The following OPRL1 variants were observed in gnomAD, a reference collection of about 807,000 sequenced individuals.
The protein encoded by OPRL1 is opioid related nociceptin receptor 1.
A neutral mutation model predicts 15.5 loss-of-function variants in OPRL1; 5 were observed. That is an observed-to-expected ratio of 0.32 (90% CI 0.17 to 0.68). The LOEUF (loss-of-function observed/expected upper bound fraction) is 0.68. Ranked by LOEUF, OPRL1 falls within the 30% of genes least tolerant of loss-of-function variation. OPRL1 has a pLI of 0.72. For missense variants in OPRL1, 406 were observed against 515.3 expected (o/e 0.79, Z 2.05); for synonymous variants, 223 against 230.2 (o/e 0.97, Z 0.28).
chr20:64,083,625 C>T lies in OPRL1; in HGVS notation c.-185+3273C>T. 6.8e-7 allele frequency: 1 copy of T among 1,475,314 alleles called. No homozygotes were observed. The highest frequency in any genetic ancestry group is 9.0e-7 in the Non-Finnish European group (1 of 1,115,690). The allele number at this position is 1,475,314 out of a possible 1,614,324, so 91.4% of individuals were successfully genotyped here. A position where few individuals can be genotyped will look rare whatever the true frequency, so the allele number is the denominator to read the frequency against. On this transcript the variant is annotated intron_variant, in intron 1 of 4. Coordinates refer to ENST00000336866, the MANE Select transcript of OPRL1 (RefSeq NM_182647.4). The surrounding 1 kb of genome is among the most constrained non-coding windows in gnomAD (Gnocchi z 4.9). ...GGTCCGGGATCCGCGCGGGCTTCAG[C>T]TGCGGCGGCAGGAACAGCTCCAGCC...
chr20:64,082,587 T>C (rs1364918282), intron 1 of OPRL1, among the ~76,000 whole-genome samples: 1 of 152,138 alleles, frequency 6.6e-6, no homozygotes, highest in Non-Finnish European at 1.5e-5. Flanking sequence ...GTCCCGCTTC[T>C]GTGCAGCCTG....
At position 64,080,181 on chromosome 20, in the gene OPRL1, G is replaced by C. The variant is rs1289997936; in HGVS notation, c.-356G>C. On this transcript the variant is annotated 5_prime_UTR_variant, in exon 1 of 5. Coordinates refer to ENST00000336866, the MANE Select transcript of OPRL1 (RefSeq NM_182647.4). ...CCCTGGCTCCCGGGCGGACGGAGCCGCACGGTAGTAGATGGGGGTGTGGCC... is the reference window on the plus strand; with the variant it reads ...CCCTGGCTCCCGGGCGGACGGAGCCCCACGGTAGTAGATGGGGGTGTGGCC... 6.6e-6 allele frequency: 1 copy of C among 152,202 alleles called. No individual in the cohort carries two copies. Among genetic ancestry groups the C allele is most frequent in the Non-Finnish European group, 1.5e-5 (1 of 68,066 alleles). The allele number at this position is 152,202 out of a possible 1,614,324, so 9.4% of individuals were successfully genotyped here. A position where few individuals can be genotyped will look rare whatever the true frequency, so the allele number is the denominator to read the frequency against.
In OPRL1 at chr20:64,100,601, G is replaced by A. The variant is rs56306220; in HGVS notation, c.*1802G>A. On this transcript the variant is annotated 3_prime_UTR_variant, in exon 5 of 5. Coordinates refer to ENST00000336866, the MANE Select transcript of OPRL1 (RefSeq NM_182647.4). ...GTCTGTCTCTGGGGTAATGAAAAAG[G>A]ACCCTAATAAACACCTGCTCACTGG... 2.6e-5 allele frequency: 4 copies of A among 151,698 alleles called. No individual in the cohort carries two copies. The highest frequency in any genetic ancestry group is 5.9e-5 in the Non-Finnish European group (4 of 68,024). 9.4% of individuals were successfully genotyped at this position (151,698 alleles called of 1,614,324 possible). A position where few individuals can be genotyped will look rare whatever the true frequency, so the allele number is the denominator to read the frequency against.
chr20:64,089,219 A>C lies in OPRL1; in HGVS notation c.-184-2747A>C, dbSNP rs913192654. ...GGCAGAATGACACAGAACACACAAG[A>C]AGTTCAAGGGAACACATTATGAGAT... On this transcript the variant is annotated intron_variant, in intron 1 of 4. Transcript: ENST00000336866. This position sits in a 1 kb window ranked among gnomAD's most constrained non-coding sequence, Gnocchi z 5.5. Among the ~76,000 whole-genome samples the C allele has an allele frequency of 5.7e-4, 87 of 152,104 alleles. 1 individual carries two copies. Among genetic ancestry groups the C allele is most frequent in the Non-Finnish European group, 1.3e-4 (9 of 68,006 alleles).
intron 1 of OPRL1, among the ~76,000 whole-genome samples, chr20:64,081,687 T>G (rs994909590): frequency 6.6e-6 from 1 of 152,174 alleles, no homozygotes; most frequent in African/African-American, 2.4e-5. Flanking sequence ...TATATTGGGC[T>G]TTGGACCACA....
At chr20:64,087,907 C>T (rs1462171141) in intron 1 of OPRL1, among the ~76,000 whole-genome samples, 5 of 152,204 alleles carry the variant, frequency 3.3e-5, no homozygotes. Context: ...TCATCTGCAC[C>T]ACCAGTTCTC....
chr20:64,095,983 G>A (rs1319131297), intron 3 of OPRL1, among the ~76,000 whole-genome samples: 1 of 152,128 alleles, frequency 6.6e-6, no homozygotes, highest in African/African-American at 2.4e-5. Flanking sequence ...AGACGAGACA[G>A]TGGGAAGAAC....
intron 1 of OPRL1, among the ~76,000 whole-genome samples, chr20:64,088,688 G>T (rs1399464533): frequency 7.3e-6 from 1 of 136,364 alleles, no homozygotes; most frequent in African/African-American, 2.7e-5. Flanking sequence ...GCCAGGATCT[G>T]TGCAGGGAGG....
At position 64,083,491 on chromosome 20, in the gene OPRL1, T is replaced by TCCGCTG. The variant is rs776432205; in HGVS notation, c.-185+3143_-185+3148dup. 6.3e-7 allele frequency: 1 copy of TCCGCTG among 1,592,220 alleles called. No homozygotes were observed. Among genetic ancestry groups the TCCGCTG allele is most frequent in the Non-Finnish European group, 8.5e-7 (1 of 1,170,700 alleles). On this transcript the variant is annotated intron_variant, in intron 1 of 4. Transcript: ENST00000336866. This position sits in a 1 kb window ranked among gnomAD's most constrained non-coding sequence, Gnocchi z 4.9. Reference sequence around the variant, plus strand: ...TCCTCCAGGATGGTCTCCACGCGCCTCCGCTGCCGGGGAGAGAGGCTGGGG... The same window carrying TCCGCTG: ...TCCTCCAGGATGGTCTCCACGCGCCTCCGCTGCCGCTGCCGGGGAGAGAGGCTGGGG...
At chr20:64,095,602 A>G (rs919675171) in intron 3 of OPRL1, among the ~76,000 whole-genome samples, 6 of 151,626 alleles carry the variant, frequency 4.0e-5, no homozygotes, top group Non-Finnish European at 5.9e-5. Context: ...TTCTTCAGGC[A>G]GTGGGGGGTT....
rs926616248 is a variant in OPRL1 at position 64,097,145 on chromosome 20, C to T, written c.234-657C>T. Among the ~76,000 whole-genome samples the T allele has an allele frequency of 4.6e-5, 7 of 151,894 alleles. No homozygotes were observed. Among genetic ancestry groups the T allele is most frequent in the Non-Finnish European group, 1.0e-4 (7 of 67,984 alleles). ...ACCACCACCATCACCACCATAATCC[C>T]CCCCAACTATTACAACCATTAACTT... is the stretch of plus-strand genomic sequence containing the variant. On this transcript the variant is annotated intron_variant, in intron 3 of 4. Transcript: ENST00000336866. The surrounding 1 kb of genome is among the most constrained non-coding windows in gnomAD (Gnocchi z 4.2).
At position 64,092,746 on chromosome 20, in the gene OPRL1, T is replaced by C. The variant is rs775816175; in HGVS notation, c.26T>C (p.Phe9Ser). Residue 9 changes from phenylalanine to serine, a missense_variant, in exon 3 of 5, where the codon TTC becomes TCC. Transcript: ENST00000336866. The stretch of plus-strand genomic sequence containing the variant: ...ATGGAGCCCCTCTTCCCCGCGCCGT[T>C]CTGGGAGGTTATCTACGGCAGCCAC... MEPLFPAP[F>S]WEVIYGSHLQ... is the part of the protein sequence containing the mutation. 2.5e-6 allele frequency: 4 copies of C among 1,612,614 alleles called. No individual in the cohort carries two copies. Among genetic ancestry groups the C allele is most frequent in the East Asian group, 2.2e-5 (1 of 44,842 alleles).
chr20:64,096,743 TCAC>T lies in OPRL1; in HGVS notation c.234-1055_234-1053del, dbSNP rs764684940. ...ACCACCATCATCACCACTATCATCA[TCAC>T]CACTATCACCACCACCAGCACCTTC... On this transcript the variant is annotated intron_variant, in intron 3 of 4. Coordinates refer to ENST00000336866, the MANE Select transcript of OPRL1 (RefSeq NM_182647.4). Among the ~76,000 whole-genome samples, 143 of 151,214 alleles carry T rather than the reference TCAC, an allele frequency of 9.5e-4. 1 individual carries two copies. The East Asian group carries it at 0.026, about 28-fold the overall frequency.
intron 1 of OPRL1, chr20:64,084,492 T>C: frequency 1.2e-6 from 1 of 810,500 alleles, no homozygotes; most frequent in African/African-American, 1.8e-5. Context: ...GTAGGAAATA[T>C]CTTTCCTACC....
At position 64,097,806 on chromosome 20, in the gene OPRL1, A is replaced by T; in HGVS notation, c.238A>T (p.Thr80Ser). Reference protein sequence around the residue: ...CLVMYVILRHTKMKTATNIYI... With the variant: ...CLVMYVILRHSKMKTATNIYI... ...TCTTCTCCCTCTACTCCGCAGGCAC[A>T]CCAAAATGAAGACAGCCACCAATAT... The change falls in exon 4 of 5, where the codon ACC becomes TCC. Residue 80 changes from threonine (T) to serine (S), a missense_variant. By Grantham distance (58) the Thr-to-Ser change is moderately conservative. Transcript: ENST00000336866. The surrounding 1 kb of genome is among the most constrained non-coding windows in gnomAD (Gnocchi z 4.2). 4 of 1,611,298 alleles carry T rather than the reference A, an allele frequency of 2.5e-6. No individual in the cohort carries two copies. Among genetic ancestry groups the T allele is most frequent in the Non-Finnish European group, 3.4e-6 (4 of 1,178,138 alleles).
chr20:64,083,179 G>A lies in OPRL1; in HGVS notation c.-185+2827G>A, dbSNP rs539068308. On this transcript the variant is annotated intron_variant, in intron 1 of 4. Coordinates refer to ENST00000336866, the MANE Select transcript of OPRL1 (RefSeq NM_182647.4). This position sits in a 1 kb window ranked among gnomAD's most constrained non-coding sequence, Gnocchi z 4.9. ...CCCACAGAACGCCAGGTTGCCAGTG[G>A]GGGGCAGATCGGGATTAGGGGTAGG... Among the ~76,000 whole-genome samples, 12 of 152,324 alleles carry A rather than the reference G, an allele frequency of 7.9e-5. No individual in the cohort carries two copies. The South Asian group carries it at 2.5e-3, about 32-fold the overall frequency.
At chr20:64,086,474 G>A in intron 1 of OPRL1, 1 of 196,012 alleles carries the variant, frequency 5.1e-6, no homozygotes, top group Non-Finnish European at 1.2e-5. Flanking sequence ...GACCCAGCAG[G>A]CCGACACCTC....
In OPRL1 at chr20:64,097,983, T is replaced by G. The variant is rs1157734673; in HGVS notation, c.415T>G (p.Phe139Val). 5 of 1,613,572 alleles carry G rather than the reference T, an allele frequency of 3.1e-6. No individual in the cohort carries two copies. In the African/African-American group the frequency reaches 5.3e-5, roughly 17 times the overall value. ...CTACTACAACATGTTCACCAGCACC[T>G]TCACCCTAACTGCCATGAGTGTGGA... Reference protein sequence around the residue: ...IDYYNMFTSTFTLTAMSVDRY... With the variant: ...IDYYNMFTSTVTLTAMSVDRY... The change falls in exon 4 of 5, where the codon TTC becomes GTC. Residue 139 changes from phenylalanine (F) to valine (V), a missense_variant. Phe to Val is a conservative substitution (Grantham distance 50, BLOSUM62 -1). Coordinates refer to ENST00000336866, the MANE Select transcript of OPRL1 (RefSeq NM_182647.4). This position sits in a 1 kb window ranked among gnomAD's most constrained non-coding sequence, Gnocchi z 4.2.
chr20:64,088,077 C>T (rs569620337), intron 1 of OPRL1, among the ~76,000 whole-genome samples: 18 of 152,370 alleles, frequency 1.2e-4, no homozygotes, highest in Admixed American at 6.5e-4. Flanking sequence ...CTGCGGGGCT[C>T]TGCTGACCAC....
Sources: gnomAD v4.1 joint callset for allele counts (sites outside exome capture counted in the v4.1 genomes callset) on GRCh38, gnomAD v4.1.1 for gene constraint, Gnocchi (gnomAD v3.1) non-coding constraint, MANE v1.5 for transcripts, NCBI Gene and HGNC (gene_info 2026-07-23, HGNC 2026-07-21) for gene names.